POLE: variants seen among roughly 807,000 people sequenced by gnomAD.
The protein encoded by POLE is DNA polymerase epsilon catalytic subunit A.
A neutral mutation model predicts 279.2 loss-of-function variants in POLE; 188 were observed. That is an observed-to-expected ratio of 0.67 (90% CI 0.60 to 0.76). The LOEUF is 0.76. Ranked by LOEUF, POLE falls within the 30% of genes least tolerant of loss-of-function variation. The pLI is 0.00. For synonymous variants in POLE, 1,214 were observed against 1,172.5 expected (o/e 1.04, Z -0.72); for missense variants, 2,703 against 3,016.7 (o/e 0.90, Z 2.44).
intron 45 of POLE, among the ~76,000 whole-genome samples, chr12:132,629,530 C>T (rs558624535): frequency 1.3e-4 from 20 of 152,338 alleles, no homozygotes; most frequent in South Asian, 4.1e-4. Flanking sequence ...GTTACTGGGA[C>T]GGCTTCTCTC....
intron 29 of POLE, chr12:132,651,407 C>T (rs1377965836): frequency 2.6e-5 from 4 of 152,240 alleles, no homozygotes; most frequent in Non-Finnish European, 5.9e-5. Flanking sequence ...AGAACAACCA[C>T]CTCCACCTCT....
intron 29 of POLE, among the ~76,000 whole-genome samples, chr12:132,654,103 C>A (rs1180963315): frequency 6.6e-6 from 1 of 151,364 alleles, no homozygotes; most frequent in Non-Finnish European, 1.5e-5. Context: ...ACTTTCCTTT[C>A]CTGTTTTCAA....
rs2135991153 is a variant in POLE at position 132,672,311 on chromosome 12, G to A, written c.1698C>T (p.Ala566=). Residue 566 remains alanine, a synonymous_variant, in exon 16 of 49, where the codon GCC becomes GCT. Coordinates refer to ENST00000320574, the MANE Select transcript of POLE (RefSeq NM_006231.4). ...IPCRFRMNPA[A]FDFLLQRVEK... ...CAACCCGCTGCAGCAGGAAGTCAAA[G>A]GCGGCAGGATTCTAGCACAACAGTG... The A allele has an allele frequency of 6.2e-7, 1 of 1,614,102 alleles. No individual in the cohort carries two copies. The highest frequency in any genetic ancestry group is 8.5e-7 in the Non-Finnish European group (1 of 1,179,940).
intron 1 of POLE, among the ~76,000 whole-genome samples, chr12:132,682,717 CAAG>C (rs1034331726): frequency 3.9e-5 from 6 of 151,934 alleles, no homozygotes; most frequent in Admixed American, 3.9e-4. Flanking sequence ...TTTGGGAGGC[CAAG>C]GAGGGTGGAT....
rs5744970 is a variant in POLE at position 132,638,182 on chromosome 12, A to G, written c.5553-43T>C. ...AGTCCGTGGTGGAGACGCCACAGTC[A>G]TGGAGAGCCAGAGGGCACCCAGAAA... On this transcript the variant is annotated intron_variant, in intron 40 of 48. Coordinates refer to ENST00000320574, the MANE Select transcript of POLE (RefSeq NM_006231.4). 980,252 of 1,596,498 alleles carry G rather than the reference A, an allele frequency of 0.61. 305,664 individuals carry two copies. The highest frequency in any genetic ancestry group is 0.86 in the African/African-American group (63,917 of 74,366).
intron 15 of POLE, 38 bp downstream of exon 15, chr12:132,672,589 A>G: frequency 6.3e-7 from 1 of 1,593,706 alleles, no homozygotes; most frequent in South Asian, 1.1e-5. Flanking sequence ...CCACAGCACA[A>G]GAGTGGGAAG....
chr12:132,648,345 G>A (rs1258942954), intron 32 of POLE, among the ~76,000 whole-genome samples: 3 of 150,990 alleles, frequency 2.0e-5, no homozygotes, highest in Admixed American at 6.6e-5. Context: ...ATGGGGGGGT[G>A]AGGGGAGGGG....
At chr12:132,630,744 T>C (rs1415883674) in intron 45 of POLE, among the ~76,000 whole-genome samples, 1 of 152,120 alleles carries the variant, frequency 6.6e-6, no homozygotes, top group East Asian at 1.9e-4. Context: ...ACATCATTAG[T>C]CGCCAGGGAA....
chr12:132,676,260 G>A (rs1160987256), intron 9 of POLE, 56 bp from the exon 10 acceptor site: 2 of 1,193,552 alleles, frequency 1.7e-6, no homozygotes, highest in South Asian at 1.2e-5. Context: ...CCAAGAAATG[G>A]CGTTCCCACC....
intron 6 of POLE, 92 bp downstream of exon 6, chr12:132,679,405 C>T (rs1160729866): frequency 7.9e-7 from 1 of 1,264,194 alleles, no homozygotes; most frequent in African/African-American, 1.5e-5. Context: ...CAGAGCCAGC[C>T]ATTAAGGTAA....
intron 32 of POLE, among the ~76,000 whole-genome samples, chr12:132,645,366 A>G: frequency 1.2e-5 from 1 of 86,276 alleles, no homozygotes; most frequent in South Asian, 4.3e-4. Context: ...AGAGCTGGAG[A>G]GGGGGCACCC....
intron 32 of POLE, among the ~76,000 whole-genome samples, chr12:132,646,308 C>CCAG (rs2042282714): frequency 6.6e-6 from 1 of 152,158 alleles, no homozygotes; most frequent in African/African-American, 2.4e-5. Context: ...GTGATGGAAA[C>CCAG]GTTCTGCACC....
chr12:132,649,272 A>T (rs1232005495), intron 31 of POLE, 34 bp downstream of exon 31: 1 of 1,598,268 alleles, frequency 6.3e-7, no homozygotes, highest in South Asian at 1.1e-5. Context: ...CCATCAGCAG[A>T]GCCACTGCCC....
At chr12:132,686,265 C>T (rs1282998545) in intron 1 of POLE, among the ~76,000 whole-genome samples, 1 of 150,834 alleles carries the variant, frequency 6.6e-6, no homozygotes, top group Non-Finnish European at 1.5e-5. Flanking sequence ...TATCCTTGCT[C>T]TATTTTTTTT....
At chr12:132,641,898 C>G in intron 38 of POLE, 47 bp from the exon 39 acceptor site, 1 of 1,573,286 alleles carries the variant, frequency 6.4e-7, no homozygotes. Context: ...CCAGCTCCAG[C>G]ACCACCAGCC....
At position 132,672,722 on chromosome 12, in the gene POLE, C is replaced by A; in HGVS notation, c.1591G>T (p.Gly531Ter). 1 of 1,614,186 alleles carries A rather than the reference C, an allele frequency of 6.2e-7. No homozygotes were observed. The highest frequency in any genetic ancestry group is 2.2e-5 in the East Asian group (1 of 44,890). ...TAGGTCTCAGAGTCCAGCACGTGTC[C>A]GTCGTCCGTCAGCTTATTGAACTCC... ...EQEFNKLTDD[G>*]HVLDSETYVG... The change falls in exon 15 of 49, where the codon GGA (glycine) becomes TGA (stop). Residue 531 changes from glycine to a stop codon, truncating the protein, a stop_gained. Coordinates refer to ENST00000320574, the MANE Select transcript of POLE (RefSeq NM_006231.4). LOFTEE classifies it high-confidence loss of function.
At position 132,661,056 on chromosome 12, in the gene POLE, C is replaced by G. The variant is rs2138690430; in HGVS notation, c.2973G>C (p.Glu991Asp). ...CCAGCGTGCTGCCCTTGAGGAAGGC[C>G]TCAAACACCGAGGATTGGAAGATCT... ...LIKIFQSSVF[E>D]AFLKGSTLEE... is the part of the protein sequence containing the mutation. Residue 991 changes from glutamate (E) to aspartate (D), a missense_variant, in exon 25 of 49, where the codon GAG becomes GAC. Around this residue, in one of 5 missense-constraint regions of POLE, gnomAD observed 19 missense variants for 51.5 expected, o/e 0.37. Transcript: ENST00000320574. The surrounding 1 kb of genome is among the most constrained non-coding windows in gnomAD (Gnocchi z 4.1). 6.2e-7 allele frequency: 1 copy of G among 1,614,114 alleles called. No individual in the cohort carries two copies. The highest frequency in any genetic ancestry group is 8.5e-7 in the Non-Finnish European group (1 of 1,180,004).
intron 41 of POLE, 49 bp from the exon 42 acceptor site, chr12:132,636,073 C>A: frequency 6.3e-7 from 1 of 1,577,286 alleles, no homozygotes; most frequent in Non-Finnish European, 8.6e-7. Flanking sequence ...CGACCTTGTT[C>A]TCAACTTTCC....
In POLE at chr12:132,680,354, A is replaced by C. The variant is rs1375857721; in HGVS notation, c.286-132T>G. On this transcript the variant is annotated intron_variant, in intron 3 of 48. Transcript: ENST00000320574. ...GGTAGCCTTGACCTTGGTAGCATAC[A>C]GGAAGTCAGAATGCGCACTTTTCAC... The C allele has an allele frequency of 1.8e-5, 15 of 821,342 alleles. No homozygotes were observed. The East Asian group carries it at 3.2e-4, about 17-fold the overall frequency. The allele number at this position is 821,342 out of a possible 1,614,324, so 50.9% of individuals were successfully genotyped here.
Sources: allele counts gnomAD v4.1 joint callset (sites outside exome capture counted in the v4.1 genomes callset), GRCh38; gene constraint gnomAD v4.1.1; regional missense constraint gnomAD v4.1.1; non-coding constraint Gnocchi (gnomAD v3.1); transcripts MANE v1.5; gene names NCBI Gene and HGNC (gene_info 2026-07-23, HGNC 2026-07-21).